Variants in NEBL observed in about 807,000 individuals in gnomAD.
NEBL encodes the protein nebulette.
Under a neutral mutation model 140.2 loss-of-function variants are expected in NEBL, and 122 were observed. The ratio of observed to expected loss-of-function variants is 0.87; its 90% CI spans 0.75 to 1.01. NEBL has a LOEUF of 1.01. NEBL is among the 50% of genes least tolerant of loss of function. NEBL has a pLI of 0.00. For synonymous variants in NEBL, 436 were observed against 398.9 expected, an observed-to-expected ratio of 1.09 and a Z score of -1.11; for missense variants, 1,365 against 1,231.3, an observed-to-expected ratio of 1.11 and a Z score of -1.62.
intron 11 of NEBL, among the ~76,000 whole-genome samples, chr10:20,848,918 G>A (rs573176965): frequency 6.6e-6 from 1 of 152,140 alleles, no homozygotes; most frequent in Non-Finnish European, 1.5e-5. Flanking sequence ...TTTTTCCCAA[G>A]AATATGAATT....
chr10:20,808,399 A>T, intron 26 of NEBL, 111 bp downstream of exon 26: 1 of 1,138,814 alleles, frequency 8.8e-7, no homozygotes, highest in Non-Finnish European at 1.3e-6. Flanking sequence ...TAAATTCTCA[A>T]ATACAGCCAG....
intron 18 of NEBL, 151 bp from the exon 19 acceptor site, chr10:20,823,451 T>G: frequency 1.7e-6 from 1 of 599,746 alleles, no homozygotes. Context: ...TAATTTTATA[T>G]GATGCTTTCA....
chr10:20,914,384 C>T (rs1003087615), intron 4 of NEBL, among the ~76,000 whole-genome samples: 2 of 152,264 alleles, frequency 1.3e-5, no homozygotes, highest in East Asian at 3.9e-4. Flanking sequence ...ACATGAAGTC[C>T]AGCCTTACTT....
intron 3 of NEBL, chr10:21,247,699 G>A (rs530024773): frequency 2.0e-5 from 3 of 152,298 alleles, no homozygotes; most frequent in East Asian, 1.9e-4. Context: ...ACCTATTCTA[G>A]GTACCTCATA....
At chr10:20,808,730 T>A in intron 25 of NEBL, 71 bp from the exon 26 acceptor site, 1 of 1,478,874 alleles carries the variant, frequency 6.8e-7, no homozygotes, top group Non-Finnish European at 9.4e-7. Flanking sequence ...AAAAATTACT[T>A]AAAAGCTTAA....
intron 2 of NEBL, among the ~76,000 whole-genome samples, chr10:21,077,666 T>C (rs1286867324): frequency 1.3e-5 from 2 of 152,100 alleles, no homozygotes; most frequent in Admixed American, 1.3e-4. Flanking sequence ...TTATTTGTCA[T>C]TTTTGTAGTT....
rs994121727 is a variant in NEBL at position 20,994,589 on chromosome 10, C to T, written c.249+25528G>A. Among the ~76,000 whole-genome samples, 8 of 152,146 alleles carry T rather than the reference C, an allele frequency of 5.3e-5. No individual in the cohort carries two copies. The East Asian group carries it at 1.5e-3, about 29-fold the overall frequency. ...TGCAGGCATTAAGGGCATTGACCCCCCCGTACACTCAAAAATCTGCATATA... is the reference window on the plus strand; with the variant it reads ...TGCAGGCATTAAGGGCATTGACCCCTCCGTACACTCAAAAATCTGCATATA... On this transcript the variant is annotated intron_variant, in intron 3 of 6. Coordinates refer to the NEBL transcript ENST00000417816.
chr10:20,976,397 C>T (rs1029637196), intron 3 of NEBL, among the ~76,000 whole-genome samples: 3 of 151,012 alleles, frequency 2.0e-5, no homozygotes, highest in African/African-American at 7.3e-5. Flanking sequence ...AATTACCATT[C>T]GACCCAACAA....
chr10:20,817,945 C>A (rs1838899851), intron 20 of NEBL, among the ~76,000 whole-genome samples: 1 of 152,102 alleles, frequency 6.6e-6, no homozygotes, highest in Admixed American at 6.6e-5. Context: ...ACCATAAATT[C>A]CACAAATAAA....
chr10:21,003,363 G>A (rs1564476724), intron 3 of NEBL, among the ~76,000 whole-genome samples: 1 of 152,150 alleles, frequency 6.6e-6, no homozygotes, highest in Non-Finnish European at 1.5e-5. Flanking sequence ...CTGTTCCATT[G>A]TCTCCTGACA....
intron 4 of NEBL, among the ~76,000 whole-genome samples, chr10:20,941,871 C>A (rs1031139366): frequency 4.6e-5 from 7 of 151,834 alleles, no homozygotes; most frequent in African/African-American, 1.7e-4. Flanking sequence ...CCTAGGAATC[C>A]AACTTACAAG....
upstream of NEBL, among the ~76,000 whole-genome samples, chr10:21,179,518 T>C (rs6482166): frequency 0.39 from 57,948 of 150,064 alleles, 14,595 homozygotes; most frequent in East Asian, 0.7. Context: ...CCTTAAGAAC[T>C]CCAGCCCAAA....
chr10:21,089,492 G>C (rs757548602), intron 2 of NEBL, among the ~76,000 whole-genome samples: 2 of 152,142 alleles, frequency 1.3e-5, no homozygotes, highest in Non-Finnish European at 2.9e-5. Flanking sequence ...CGTAGCCAAA[G>C]AGGTGGGGGG....
At chr10:20,945,392 G>C (rs1835105538) in intron 4 of NEBL, among the ~76,000 whole-genome samples, 1 of 152,126 alleles carries the variant, frequency 6.6e-6, no homozygotes, top group South Asian at 2.1e-4. Context: ...TGTACCCTCA[G>C]CTCCTAAGAT....
chr10:21,234,854 G>A (rs559503199), intron 3 of NEBL, among the ~76,000 whole-genome samples: 2 of 152,304 alleles, frequency 1.3e-5, no homozygotes, highest in Non-Finnish European at 2.9e-5. Flanking sequence ...TTTGTCTGGA[G>A]GGAAGTTATA....
chr10:20,900,855 G>A (rs788982), upstream of NEBL, among the ~76,000 whole-genome samples: 107,886 of 132,266 alleles, frequency 0.82, 45,142 homozygotes, highest in South Asian at 0.92. Context: ...GAAAAAAAAA[G>A]AAAAAAGAAA....
intron 2 of NEBL, among the ~76,000 whole-genome samples, chr10:21,127,292 A>T (rs1226974533): frequency 1.3e-5 from 2 of 152,204 alleles, no homozygotes; most frequent in Admixed American, 6.5e-5. Flanking sequence ...TGAAAAATTG[A>T]TCCCTACTAA....
chr10:21,253,263 C>T (rs2065055863), intron 1 of NEBL, among the ~76,000 whole-genome samples: 1 of 152,160 alleles, frequency 6.6e-6, no homozygotes, highest in Admixed American at 6.6e-5. Flanking sequence ...AAGAATGAAA[C>T]TCTGTCTCAA....
At chr10:21,260,421 T>C (rs1191541592) in intron 1 of NEBL, among the ~76,000 whole-genome samples, 1 of 152,250 alleles carries the variant, frequency 6.6e-6, no homozygotes, top group East Asian at 1.9e-4. Context: ...CATCATTTTC[T>C]TATTTGCAAT....
Sources: allele counts gnomAD v4.1 joint callset (sites outside exome capture counted in the v4.1 genomes callset), GRCh38; gene constraint gnomAD v4.1.1; transcripts MANE v1.5; gene names NCBI Gene and HGNC (gene_info 2026-07-23, HGNC 2026-07-21).